Variants in KIAA1217 observed in about 807,000 individuals in gnomAD.
KIAA1217 encodes the protein sickle tail protein homolog.
In KIAA1217, 88 loss-of-function variants were observed where a neutral mutation model predicts 163.9. The ratio of observed to expected loss-of-function variants is 0.54; its 90% CI spans 0.45 to 0.64. The LOEUF is 0.64. Among genes scored for constraint, KIAA1217 ranks in the 30% least tolerant of loss-of-function variants. The probability of loss-of-function intolerance (pLI) is 0.00; values close to 1 mark genes in which losing one functional copy is unlikely to be tolerated. For synonymous variants in KIAA1217, 903 were observed against 923.1 expected, an observed-to-expected ratio of 0.98 and a Z score of 0.39; for missense variants, 2,372 against 2,475.0, an observed-to-expected ratio of 0.96 and a Z score of 0.88.
intron 1 of KIAA1217, among the ~76,000 whole-genome samples, chr10:23,707,462 G>A (rs1836964215): frequency 6.6e-6 from 1 of 152,172 alleles, no homozygotes; most frequent in African/African-American, 2.4e-5. Flanking sequence ...CTGAAGAACT[G>A]GGGGCCATTG....
At chr10:24,106,135 T>A (rs1022077687) in intron 2 of KIAA1217, among the ~76,000 whole-genome samples, 1 of 152,166 alleles carries the variant, frequency 6.6e-6, no homozygotes, top group Non-Finnish European at 1.5e-5. Flanking sequence ...TGTGTAATCA[T>A]TTCCAGGACA....
intron 1 of KIAA1217, among the ~76,000 whole-genome samples, chr10:23,899,352 G>C (rs1026433307): frequency 1.3e-5 from 2 of 152,048 alleles, no homozygotes; most frequent in Non-Finnish European, 2.9e-5. Flanking sequence ...TTTAATGCCT[G>C]CCAATCTGGT....
chr10:24,263,741 G>T (rs1044336215), intron 2 of KIAA1217, among the ~76,000 whole-genome samples: 1 of 152,100 alleles, frequency 6.6e-6, no homozygotes, highest in African/African-American at 2.4e-5. Context: ...TTCATGTTAC[G>T]AGATGCCTCT....
At chr10:24,325,082 A>G (rs1478157378) in intron 2 of KIAA1217, among the ~76,000 whole-genome samples, 1 of 152,172 alleles carries the variant, frequency 6.6e-6, no homozygotes, top group Non-Finnish European at 1.5e-5. Context: ...TCTCACTTCT[A>G]CTTCTCAAAG....
chr10:23,941,404 C>T (rs1261591468), intron 1 of KIAA1217, among the ~76,000 whole-genome samples: 1 of 152,082 alleles, frequency 6.6e-6, no homozygotes. Flanking sequence ...TACAGAGTGA[C>T]CAAAAACACA....
At chr10:23,758,646 C>CTCTCTCTCTCTCTCTCT (rs1386376033) in intron 1 of KIAA1217, among the ~76,000 whole-genome samples, 1 of 132,186 alleles carries the variant, frequency 7.6e-6, no homozygotes, top group Admixed American at 7.7e-5. Context: ...CTCTCTCTCT[C>CTCTCTCTCTCTCTCTCT]CCCCTCCCTC....
intron 4 of KIAA1217, among the ~76,000 whole-genome samples, chr10:24,438,058 A>T (rs990066805): frequency 1.1e-4 from 16 of 148,676 alleles, no homozygotes; most frequent in South Asian, 2.1e-4. Flanking sequence ...TTGGAACTTT[A>T]TTTTTTTTTT....
intron 1 of KIAA1217, among the ~76,000 whole-genome samples, chr10:23,893,229 T>C (rs976237110): frequency 2.6e-5 from 4 of 152,090 alleles, no homozygotes; most frequent in African/African-American, 9.7e-5. Context: ...GGAGGGTGTA[T>C]GTGTCGAGGA....
chr10:24,404,179 G>A (rs772670992), intron 3 of KIAA1217, among the ~76,000 whole-genome samples: 10 of 152,112 alleles, frequency 6.6e-5, no homozygotes, highest in Non-Finnish European at 1.3e-4. Flanking sequence ...GGCTGGTCTC[G>A]AACTCTGGGG....
At position 23,930,039 on chromosome 10, in the gene KIAA1217, C is replaced by T. The variant is rs78840048; in HGVS notation, c.-320-77186C>T. ...GCATTCTCCTTTTTCTACAACTTTGCTGGCATCTGTTATTTTTTGACTTTT... is the reference window on the plus strand; with the variant it reads ...GCATTCTCCTTTTTCTACAACTTTGTTGGCATCTGTTATTTTTTGACTTTT... On this transcript the variant is annotated intron_variant, in intron 1 of 18. Coordinates refer to the KIAA1217 transcript ENST00000376462. 9.8e-3 allele frequency among the ~76,000 whole-genome samples: 1,485 copies of T among 152,240 alleles called. 27 individuals are homozygous for T. Among genetic ancestry groups the T allele is most frequent in the African/African-American group, 0.034 (1,404 of 41,528 alleles).
At chr10:24,481,673 C>T (rs902984677) in intron 6 of KIAA1217, 1 of 152,144 alleles carries the variant, frequency 6.6e-6, no homozygotes, top group African/African-American at 2.4e-5. Context: ...AATGAAAGTA[C>T]AAGTAAACTT....
chr10:23,763,599 G>A lies in KIAA1217; in HGVS notation c.-321+68365G>A, dbSNP rs1588746847. Among the ~76,000 whole-genome samples, 5 of 152,170 alleles carry A rather than the reference G, an allele frequency of 3.3e-5. No homozygotes were observed. In the South Asian group the frequency reaches 8.3e-4, roughly 25 times the overall value. ...CTTACACCTTATAGAAAAATTAACT[G>A]AAGATGGATTAAAGACTTAAATGTA... On this transcript the variant is annotated intron_variant, in intron 1 of 18. Coordinates refer to the KIAA1217 transcript ENST00000376462.
In KIAA1217 at chr10:24,400,962, TACACAC is replaced by T. The variant is rs375697958; in HGVS notation, c.553+19927_553+19932del. Among the ~76,000 whole-genome samples the T allele has an allele frequency of 5.5e-3, 649 of 117,170 alleles. 8 individuals are homozygous for T. Among genetic ancestry groups the T allele is most frequent in the African/African-American group, 0.021 (626 of 30,176 alleles). The allele number at this position is 117,170 out of a possible 152,430, so 76.9% of individuals were successfully genotyped here. ...AACACAAAATTCCAAGCAAGAAACATACACACACACACACACACACACACACACACA... is the reference window on the plus strand; with the variant it reads ...AACACAAAATTCCAAGCAAGAAACATACACACACACACACACACACACACA... On this transcript the variant is annotated intron_variant, in intron 3 of 20. Coordinates refer to ENST00000376454, the MANE Select transcript of KIAA1217 (RefSeq NM_019590.5).
intron 6 of KIAA1217, among the ~76,000 whole-genome samples, chr10:24,478,024 A>G (rs1050490476): frequency 1.3e-5 from 2 of 152,236 alleles, no homozygotes; most frequent in African/African-American, 4.8e-5. Context: ...AGTGTTTTTC[A>G]TATGAGAGTC....
At chr10:24,220,035 CTG>C in intron 2 of KIAA1217, 126 bp downstream of exon 2, 1 of 1,030,710 alleles carries the variant, frequency 9.7e-7, no homozygotes, top group Middle Eastern at 3.3e-4. Flanking sequence ...TTTAGTTGTT[CTG>C]GATTTCTTTG....
intron 1 of KIAA1217, among the ~76,000 whole-genome samples, chr10:23,984,144 C>T (rs1472168550): frequency 3.3e-5 from 5 of 152,172 alleles, no homozygotes; most frequent in Non-Finnish European, 5.9e-5. Flanking sequence ...AAAGCAGCTC[C>T]CACCACACTG....
chr10:24,148,001 T>C (rs572859849), intron 2 of KIAA1217, among the ~76,000 whole-genome samples: 2 of 152,194 alleles, frequency 1.3e-5, no homozygotes, highest in East Asian at 3.9e-4. Flanking sequence ...CTTTTTAAAA[T>C]ATAAGGTTAG....
chr10:23,974,536 C>T (rs529273395), intron 1 of KIAA1217, among the ~76,000 whole-genome samples: 1 of 152,148 alleles, frequency 6.6e-6, no homozygotes, highest in South Asian at 2.1e-4. Context: ...GTGGCTGACA[C>T]CTGTAATCCC....
chr10:23,990,968 G>C (rs905660363), intron 1 of KIAA1217, among the ~76,000 whole-genome samples: 8 of 152,158 alleles, frequency 5.3e-5, no homozygotes. Flanking sequence ...GCAGGCAAGT[G>C]AGATAAAGTG....
Sources: allele counts gnomAD v4.1 joint callset (sites outside exome capture counted in the v4.1 genomes callset), GRCh38; gene constraint gnomAD v4.1.1; transcripts MANE v1.5; gene names NCBI Gene and HGNC (gene_info 2026-07-23, HGNC 2026-07-21).